Variants in SEMA3A observed in about 807,000 individuals in gnomAD.
The protein encoded by SEMA3A is semaphorin 3A.
A neutral mutation model predicts 97.9 loss-of-function variants in SEMA3A; 29 were observed. The observed-to-expected ratio is 0.30, with a 90% CI of 0.22 to 0.40. SEMA3A has a LOEUF of 0.40. Among genes scored for constraint, SEMA3A ranks in the 10% least tolerant of loss-of-function variants. The pLI is 1.00. For synonymous variants in SEMA3A, 321 were observed against 323.7 expected (o/e 0.99, Z 0.09); for missense variants, 763 against 951.3 (o/e 0.80, Z 2.60).
At chr7:84,091,783 G>A (rs778742793) in intron 4 of SEMA3A, among the ~76,000 whole-genome samples, 10 of 152,150 alleles carry the variant, frequency 6.6e-5, no homozygotes, top group Admixed American at 2.6e-4. Flanking sequence ...ATTAATAACC[G>A]TGAGTGAAGA....
At chr7:84,376,479 C>T (rs1803103136) in intron 1 of SEMA3A, among the ~76,000 whole-genome samples, 1 of 142,144 alleles carries the variant, frequency 7.0e-6, no homozygotes, top group Non-Finnish European at 1.5e-5. Flanking sequence ...TGGCGGGCGC[C>T]TGTAGTCCCA....
chr7:84,100,452 A>G (rs563450932), intron 4 of SEMA3A, among the ~76,000 whole-genome samples: 1 of 152,290 alleles, frequency 6.6e-6, no homozygotes, highest in East Asian at 1.9e-4. Flanking sequence ...TCTCATTAGT[A>G]AAATGAAGAT....
At chr7:84,427,662 A>AT in intron 1 of SEMA3A, among the ~76,000 whole-genome samples, 1 of 146,708 alleles carries the variant, frequency 6.8e-6, no homozygotes, top group African/African-American at 2.5e-5. Context: ...AAAAAAAAAA[A>AT]AAAAAAAAAG....
At chr7:84,373,339 T>A (rs1406895359) in intron 1 of SEMA3A, among the ~76,000 whole-genome samples, 2 of 152,210 alleles carry the variant, frequency 1.3e-5, no homozygotes, top group Non-Finnish European at 2.9e-5. Flanking sequence ...ATCTACAACC[T>A]TGCCCAAATT....
At chr7:84,297,440 A>G (rs1800900349) in intron 3 of SEMA3A, among the ~76,000 whole-genome samples, 1 of 152,150 alleles carries the variant, frequency 6.6e-6, no homozygotes, top group Non-Finnish European at 1.5e-5. Context: ...CTTAACAAAG[A>G]AAGCTCAAGG....
chr7:84,137,434 C>T (rs1000182022), intron 1 of SEMA3A, among the ~76,000 whole-genome samples: 58 of 148,792 alleles, frequency 3.9e-4, no homozygotes, highest in Non-Finnish European at 6.2e-4. Flanking sequence ...GCATTCATTT[C>T]ATTGGCATCC....
At chr7:84,247,707 A>G (rs2115593798) in intron 3 of SEMA3A, among the ~76,000 whole-genome samples, 1 of 152,286 alleles carries the variant, frequency 6.6e-6, no homozygotes, top group East Asian at 1.9e-4. Context: ...TCCACTGGAG[A>G]GTGCGTAAAC....
At chr7:84,444,564 C>CTTTTTTTT (rs201008229) in intron 1 of SEMA3A, among the ~76,000 whole-genome samples, 6 of 138,780 alleles carry the variant, frequency 4.3e-5, no homozygotes, top group Non-Finnish European at 7.9e-5. Flanking sequence ...TTCTTTTTTT[C>CTTTTTTTT]TTTTTTTTTT....
At chr7:84,425,247 A>G (rs1804769419) in intron 1 of SEMA3A, among the ~76,000 whole-genome samples, 1 of 121,014 alleles carries the variant, frequency 8.3e-6, no homozygotes, top group East Asian at 2.3e-4. Context: ...ATATAAATAT[A>G]AATATATAAT....
rs1275959703 is a variant in SEMA3A, at chr7:84,366,184, CCT to C, written c.-169+5638_-169+5639del. 4.6e-5 allele frequency among the ~76,000 whole-genome samples: 7 copies of C among 151,344 alleles called. No individual in the cohort carries two copies. In the East Asian group the frequency reaches 1.4e-3, roughly 30 times the overall value. On this transcript the variant is annotated intron_variant, in intron 2 of 3. Coordinates refer to the SEMA3A transcript ENST00000424555. ...TTAATTTTTTTACTTCACTTTACCC[CCT>C]CTGATTTAATTTTATGTTAGCCAAC... is the stretch of plus-strand genomic sequence containing the variant.
In SEMA3A at chr7:84,428,112, T is replaced by A. The variant is rs77483917; in HGVS notation, c.-245-56212A>T. Among the ~76,000 whole-genome samples the A allele has an allele frequency of 5.8e-3, 888 of 152,250 alleles. 11 individuals carry two copies. The highest frequency in any genetic ancestry group is 0.02 in the African/African-American group (835 of 41,560). ...ACAATATTTTAGTCTCCAGAGCATA[T>A]GCTACCAATGCAAATTAGAGAACTT... On this transcript the variant is annotated intron_variant, in intron 1 of 3. Transcript: ENST00000424555.
chr7:84,462,207 A>G (rs1399671720), intron 1 of SEMA3A, among the ~76,000 whole-genome samples: 2 of 152,136 alleles, frequency 1.3e-5, no homozygotes, highest in African/African-American at 4.8e-5. Context: ...ATAAAAATAT[A>G]CCTTATTACT....
chr7:84,330,722 A>G (rs1000557027), intron 2 of SEMA3A, among the ~76,000 whole-genome samples: 2 of 152,066 alleles, frequency 1.3e-5, no homozygotes, highest in South Asian at 4.1e-4. Context: ...TTACATGACT[A>G]GGTATTTTAG....
intron 1 of SEMA3A, among the ~76,000 whole-genome samples, chr7:84,394,437 G>T (rs778966052): frequency 6.6e-6 from 1 of 152,128 alleles, no homozygotes; most frequent in East Asian, 1.9e-4. Context: ...TGCATTGTTT[G>T]CTAGTCTTTA....
At chr7:84,384,546 C>A (rs1803352525) in intron 1 of SEMA3A, among the ~76,000 whole-genome samples, 2 of 152,160 alleles carry the variant, frequency 1.3e-5, no homozygotes, top group African/African-American at 4.8e-5. Flanking sequence ...AGGTTTATTT[C>A]TCATTCCTAC....
chr7:84,408,562 T>C (rs1403025589), intron 1 of SEMA3A, among the ~76,000 whole-genome samples: 1 of 152,138 alleles, frequency 6.6e-6, no homozygotes, highest in African/African-American at 2.4e-5. Flanking sequence ...CAAAGGATTA[T>C]AAATCATGCT....
At chr7:84,184,242 G>T (rs1019978945) in intron 1 of SEMA3A, among the ~76,000 whole-genome samples, 3 of 152,060 alleles carry the variant, frequency 2.0e-5, no homozygotes, top group Admixed American at 1.3e-4. Context: ...TTAAATAGTT[G>T]TCTGGAAGAA....
chr7:84,406,070 G>C (rs571233885), intron 1 of SEMA3A, among the ~76,000 whole-genome samples: 2 of 152,190 alleles, frequency 1.3e-5, no homozygotes, highest in Non-Finnish European at 2.9e-5. Flanking sequence ...GAAGGAAATA[G>C]AGACACAAAA....
intron 1 of SEMA3A, among the ~76,000 whole-genome samples, chr7:84,188,767 T>C (rs141673612): frequency 2.7e-4 from 41 of 152,110 alleles, no homozygotes; most frequent in Non-Finnish European, 5.3e-4. Flanking sequence ...CTTATTTAAG[T>C]TTAAATGTAT....
Sources: allele counts gnomAD v4.1 joint callset (sites outside exome capture counted in the v4.1 genomes callset), GRCh38; gene constraint gnomAD v4.1.1; transcripts MANE v1.5; gene names NCBI Gene and HGNC (gene_info 2026-07-23, HGNC 2026-07-21).